CCSER1: variants seen among roughly 807,000 people sequenced by gnomAD.
The protein encoded by CCSER1 is serine-rich coiled-coil domain-containing protein 1.
In CCSER1, 41 loss-of-function variants were observed where a neutral mutation model predicts 82.0. That is an observed-to-expected ratio of 0.50 (90% CI 0.39 to 0.65). The LOEUF (loss-of-function observed/expected upper bound fraction) is 0.65. CCSER1 is among the 30% of genes least tolerant of loss of function. CCSER1 has a pLI of 0.00. For synonymous variants in CCSER1, 414 were observed against 383.9 expected, an observed-to-expected ratio of 1.08 and a Z score of -0.92; for missense variants, 1,119 against 1,064.2, an observed-to-expected ratio of 1.05 and a Z score of -0.72.
At chr4:91,264,884 T>C (rs2149171492) in intron 10 of CCSER1, among the ~76,000 whole-genome samples, 1 of 152,168 alleles carries the variant, frequency 6.6e-6, no homozygotes, top group Admixed American at 6.5e-5. Flanking sequence ...TTTATTAAAA[T>C]ATTATGAAGA....
At chr4:90,220,423 T>A (rs1185578937) in intron 1 of CCSER1, among the ~76,000 whole-genome samples, 3 of 152,158 alleles carry the variant, frequency 2.0e-5, no homozygotes, top group African/African-American at 4.8e-5. Flanking sequence ...CTATGTGATT[T>A]TTTCCCCTGC....
At chr4:90,485,205 T>C (rs186581408) in intron 5 of CCSER1, among the ~76,000 whole-genome samples, 1,770 of 152,296 alleles carry the variant, frequency 0.012, 14 homozygotes, top group South Asian at 0.022. Flanking sequence ...TGGTGTGCCC[T>C]TTGTTAAGCC....
At chr4:90,615,913 A>G (rs1721101105) in intron 5 of CCSER1, among the ~76,000 whole-genome samples, 1 of 152,060 alleles carries the variant, frequency 6.6e-6, no homozygotes, top group Non-Finnish European at 1.5e-5. Context: ...GATGCAGCAA[A>G]CTTCATTGTT....
chr4:90,497,226 C>T (rs1339460331), intron 5 of CCSER1, among the ~76,000 whole-genome samples: 1 of 152,088 alleles, frequency 6.6e-6, no homozygotes, highest in African/African-American at 2.4e-5. Flanking sequence ...ATATTGGAAC[C>T]ATGTCCTTGC....
chr4:90,457,823 C>T (rs966801411), intron 4 of CCSER1, among the ~76,000 whole-genome samples: 1 of 152,168 alleles, frequency 6.6e-6, no homozygotes, highest in Non-Finnish European at 1.5e-5. Context: ...TCACCAGGGA[C>T]CCACCTCTTT....
At chr4:91,222,619 G>GT (rs1204506815) in intron 10 of CCSER1, among the ~76,000 whole-genome samples, 6 of 152,014 alleles carry the variant, frequency 3.9e-5, no homozygotes, top group Non-Finnish European at 5.9e-5. Flanking sequence ...AAATTACTGG[G>GT]TTTTTTTAGT....
Position 91,296,159 on chromosome 4 carries a change from T to G in CCSER1, c.2217+210165T>G, listed in dbSNP as rs545484111. On this transcript the variant is annotated intron_variant, in intron 10 of 10. Transcript: ENST00000509176. ...TAAAACAAAGTAATCATAAGTGAAG[T>G]GTATACAAAGTACAAATGGTTTTGG... 4.3e-4 allele frequency among the ~76,000 whole-genome samples: 66 copies of G among 151,896 alleles called. No individual in the cohort carries two copies. In the East Asian group the frequency reaches 9.7e-3, roughly 22 times the overall value.
intron 1 of CCSER1, among the ~76,000 whole-genome samples, chr4:90,303,008 T>A (rs1028004130): frequency 6.6e-6 from 1 of 152,176 alleles, no homozygotes; most frequent in African/African-American, 2.4e-5. Flanking sequence ...ATTTTCCTCT[T>A]ATTTGGCTGA....
intron 9 of CCSER1, among the ~76,000 whole-genome samples, chr4:90,955,233 A>G (rs1291091902): frequency 3.3e-5 from 5 of 152,058 alleles, no homozygotes; most frequent in African/African-American, 1.2e-4. Flanking sequence ...CTCAGTAAAC[A>G]CCCTATGAAT....
chr4:90,454,668 C>G (rs1028610373), intron 4 of CCSER1, among the ~76,000 whole-genome samples: 1 of 152,102 alleles, frequency 6.6e-6, no homozygotes, highest in East Asian at 1.9e-4. Flanking sequence ...CTATGACATA[C>G]AAAGCTTATC....
At chr4:91,399,135 G>A (rs1261918640) in intron 10 of CCSER1, among the ~76,000 whole-genome samples, 1 of 151,814 alleles carries the variant, frequency 6.6e-6, no homozygotes, top group Non-Finnish European at 1.5e-5. Flanking sequence ...TGAACAATAA[G>A]AGCATGGCAC....
intron 5 of CCSER1, among the ~76,000 whole-genome samples, chr4:90,504,842 A>C (rs1770451733): frequency 6.6e-6 from 1 of 152,180 alleles, no homozygotes; most frequent in African/African-American, 2.4e-5. Flanking sequence ...CCAATTCCAA[A>C]CATTGCAGAG....
chr4:90,653,033 C>T (rs1729058166), intron 6 of CCSER1, among the ~76,000 whole-genome samples: 1 of 151,202 alleles, frequency 6.6e-6, no homozygotes, highest in South Asian at 2.1e-4. Flanking sequence ...GCCTATGGCT[C>T]CCACAAATGC....
chr4:91,098,792 C>T lies in CCSER1; in HGVS notation c.2217+12798C>T, dbSNP rs113979530. On this transcript the variant is annotated intron_variant, in intron 10 of 10. Coordinates refer to ENST00000509176, the MANE Select transcript of CCSER1 (RefSeq NM_001145065.2). ...TCCTGATGTCGTGATCTGCCCGCCTCGGCCTCCCAAAGTGCTGGGATTACA... is the reference window on the plus strand; with the variant it reads ...TCCTGATGTCGTGATCTGCCCGCCTTGGCCTCCCAAAGTGCTGGGATTACA... Among the ~76,000 whole-genome samples, 388 of 152,268 alleles carry T rather than the reference C, an allele frequency of 2.5e-3. 3 individuals carry two copies. The highest frequency in any genetic ancestry group is 4.6e-3 in the Non-Finnish European group (310 of 68,010).
chr4:91,226,500 C>T (rs1441698825), intron 10 of CCSER1, among the ~76,000 whole-genome samples: 1 of 151,658 alleles, frequency 6.6e-6, no homozygotes, highest in African/African-American at 2.4e-5. Flanking sequence ...AATTTTATAG[C>T]GTTTAATATA....
chr4:91,059,979 C>G lies in CCSER1; in HGVS notation c.2173-25971C>G, dbSNP rs1225332271. On this transcript the variant is annotated intron_variant, in intron 9 of 10. Transcript: ENST00000509176. The stretch of plus-strand genomic sequence containing the variant: ...TAGTAACTGCTTTTTTCTCTAGGAT[C>G]AATTCTCTTGTCATAGGTCAGGCTG... Among the ~76,000 whole-genome samples the G allele has an allele frequency of 2.6e-5, 4 of 151,972 alleles. 1 individual carries two copies. Among genetic ancestry groups the G allele is most frequent in the Non-Finnish European group, 5.9e-5 (4 of 67,924 alleles).
At chr4:90,726,780 A>G (rs1384336997) in intron 7 of CCSER1, among the ~76,000 whole-genome samples, 1 of 152,080 alleles carries the variant, frequency 6.6e-6, no homozygotes, top group Non-Finnish European at 1.5e-5. Flanking sequence ...CATTTCACAC[A>G]AAAATTCATC....
At position 90,495,649 on chromosome 4, in the gene CCSER1, AAATGAAC is replaced by A. The variant is rs1196384803; in HGVS notation, c.1724+27301_1724+27307del. On this transcript the variant is annotated intron_variant, in intron 5 of 10. Transcript: ENST00000509176. ...AAGAAATTGCAAGTAATTATAATAG[AAATGAAC>A]AATGATTTATAGATTATATCATAAT... Among the ~76,000 whole-genome samples the A allele has an allele frequency of 1.8e-4, 28 of 152,362 alleles. 1 individual carries two copies. The East Asian group carries it at 5.2e-3, about 28-fold the overall frequency.
chr4:91,097,857 A>G (rs1485945751), intron 10 of CCSER1, among the ~76,000 whole-genome samples: 1 of 152,172 alleles, frequency 6.6e-6, no homozygotes, highest in African/African-American at 2.4e-5. Context: ...TATCATTCTC[A>G]AGAAAATAAT....
Sources: gnomAD v4.1 joint callset for allele counts (sites outside exome capture counted in the v4.1 genomes callset) on GRCh38, gnomAD v4.1.1 for gene constraint, MANE v1.5 for transcripts, NCBI Gene and HGNC (gene_info 2026-07-23, HGNC 2026-07-21) for gene names.